The following FRMD6 variants were observed in gnomAD, a reference collection of about 807,000 sequenced individuals.
FRMD6 encodes FERM domain-containing protein 6.
FRMD6 carries 37 observed loss-of-function variants against 73.2 expected under a neutral mutation model. The ratio of observed to expected loss-of-function variants is 0.51; its 90% CI spans 0.39 to 0.66. The LOEUF (loss-of-function observed/expected upper bound fraction) is 0.66. FRMD6 is among the 30% of genes least tolerant of loss of function. The probability of loss-of-function intolerance (pLI) is 0.00; values close to 1 mark genes in which losing one functional copy is unlikely to be tolerated. For missense variants in FRMD6, 714 were observed against 780.5 expected (o/e 0.91, Z 1.02); for synonymous variants, 273 against 282.2 (o/e 0.97, Z 0.33).
chr14:51,464,811 A>G, the FRMD6 span, among the ~76,000 whole-genome samples: 1 of 152,202 alleles, frequency 6.6e-6, no homozygotes, highest in Non-Finnish European at 1.5e-5. Context: ...TGGCCCCCAG[A>G]ATGCTGCCAG....
chr14:51,712,641 A>G (rs570943779), intron 9 of FRMD6, 90 bp downstream of exon 9: 23 of 813,202 alleles, frequency 2.8e-5, no homozygotes, highest in Middle Eastern at 2.3e-4. Flanking sequence ...TTTTTAAACA[A>G]TATTGTCTCA....
At chr14:51,636,320 C>T (rs1891558047) in intron 2 of FRMD6, among the ~76,000 whole-genome samples, 1 of 152,118 alleles carries the variant, frequency 6.6e-6, no homozygotes, top group Admixed American at 6.5e-5. Flanking sequence ...GAGTCCTTCC[C>T]AGAAAAGGTT....
At chr14:51,710,702 T>C (rs970897771) in intron 7 of FRMD6, among the ~76,000 whole-genome samples, 4 of 152,188 alleles carry the variant, frequency 2.6e-5, no homozygotes, top group African/African-American at 9.7e-5. Context: ...CTCTGCATAC[T>C]CATTGTGTTT....
intron 1 of FRMD6, among the ~76,000 whole-genome samples, chr14:51,490,342 T>C (rs751490421): frequency 6.6e-6 from 1 of 152,342 alleles, no homozygotes; most frequent in Middle Eastern, 3.4e-3. Context: ...GGCTATCTGT[T>C]GTTTGCCATT....
chr14:51,714,102 A>G (rs1202708685), intron 9 of FRMD6: 1 of 152,202 alleles, frequency 6.6e-6, no homozygotes, highest in Non-Finnish European at 1.5e-5. Context: ...CTTGAAGCCA[A>G]CTCAGCTCTG....
intron 1 of FRMD6, among the ~76,000 whole-genome samples, chr14:51,517,296 T>C (rs1884687806): frequency 6.8e-6 from 1 of 146,548 alleles, no homozygotes; most frequent in Non-Finnish European, 1.5e-5. Context: ...CCTGAGGAGT[T>C]TGCTGGCAGA....
At chr14:51,580,066 C>T (rs1888627611) in intron 2 of FRMD6, among the ~76,000 whole-genome samples, 2 of 152,108 alleles carry the variant, frequency 1.3e-5, no homozygotes, top group Non-Finnish European at 2.9e-5. Context: ...GCCCTAACAG[C>T]ATCCTGATTT....
intron 1 of FRMD6, among the ~76,000 whole-genome samples, chr14:51,682,864 C>A (rs1894898333): frequency 6.6e-6 from 1 of 152,052 alleles, no homozygotes; most frequent in Admixed American, 6.6e-5. Flanking sequence ...GAGAATGAAC[C>A]CTGTTTGGCC....
chr14:51,568,845 C>G (rs1352084959), intron 1 of FRMD6, among the ~76,000 whole-genome samples: 11 of 137,416 alleles, frequency 8.0e-5, no homozygotes, highest in Non-Finnish European at 1.4e-4. Context: ...AAGGCTTTTA[C>G]TTTTTTTTTT....
chr14:51,667,731 A>T (rs1006573550), intron 1 of FRMD6, among the ~76,000 whole-genome samples: 1 of 152,232 alleles, frequency 6.6e-6, no homozygotes, highest in Non-Finnish European at 1.5e-5. Context: ...AATATTAAGG[A>T]TATTTAAGGA....
At chr14:51,652,688 G>A (rs1475023403) in intron 1 of FRMD6, among the ~76,000 whole-genome samples, 3 of 152,212 alleles carry the variant, frequency 2.0e-5, no homozygotes, top group African/African-American at 7.2e-5. Context: ...TTGGGGGTGC[G>A]GCCTGCAGAA....
chr14:51,664,458 C>T (rs1269803887), intron 1 of FRMD6, among the ~76,000 whole-genome samples: 1 of 152,210 alleles, frequency 6.6e-6, no homozygotes, highest in Non-Finnish European at 1.5e-5. Flanking sequence ...TCTTCTCTTT[C>T]TCTAAGCTTA....
chr14:51,408,177 A>G, the FRMD6 span, among the ~76,000 whole-genome samples: 1 of 151,030 alleles, frequency 6.6e-6, no homozygotes, highest in Non-Finnish European at 1.5e-5. Flanking sequence ...TTTTTTTACA[A>G]ATACAATATC....
At chr14:51,422,956 C>G in the FRMD6 span, among the ~76,000 whole-genome samples, 1 of 152,230 alleles carries the variant, frequency 6.6e-6, no homozygotes, top group Non-Finnish European at 1.5e-5. Flanking sequence ...GTATGTCACT[C>G]TGGGAGGAAG....
At chr14:51,704,371 T>C (rs548440992) in intron 5 of FRMD6, among the ~76,000 whole-genome samples, 367 of 152,262 alleles carry the variant, frequency 2.4e-3, no homozygotes, top group African/African-American at 8.3e-3. Context: ...ATGTCACGTG[T>C]GTAGCATCAT....
At chr14:51,558,114 TA>T (rs546619300) in intron 1 of FRMD6, among the ~76,000 whole-genome samples, 110 of 152,306 alleles carry the variant, frequency 7.2e-4, no homozygotes, top group African/African-American at 2.5e-3. Context: ...TTGAATTCCT[TA>T]AAAAAATGTT....
At position 51,720,592 on chromosome 14, in the gene FRMD6, C is replaced by T. The variant is rs181851890; in HGVS notation, c.1360+202C>T. ...ACATCCCTCTAGTTGTGATCCTTTGCGGCCACAAGACTGGATGGTTGTAGA... is the reference window on the plus strand; with the variant it reads ...ACATCCCTCTAGTTGTGATCCTTTGTGGCCACAAGACTGGATGGTTGTAGA... On this transcript the variant is annotated intron_variant, in intron 11 of 13. Coordinates refer to ENST00000344768, the MANE Select transcript of FRMD6 (RefSeq NM_001267046.2). 121 of 571,704 alleles carry T rather than the reference C, an allele frequency of 2.1e-4. 1 individual carries two copies. The highest frequency in any genetic ancestry group is 1.9e-3 in the African/African-American group (99 of 53,382). The allele number at this position is 571,704 out of a possible 1,614,324, so 35.4% of individuals were successfully genotyped here.
intron 2 of FRMD6, chr14:51,643,867 G>A (rs1012031824): frequency 2.0e-5 from 3 of 152,156 alleles, no homozygotes; most frequent in Admixed American, 1.3e-4. Context: ...AATGTTTTGT[G>A]AGCAAAGAAT....
At chr14:51,604,348 T>C (rs1890160398) in intron 2 of FRMD6, among the ~76,000 whole-genome samples, 2 of 152,070 alleles carry the variant, frequency 1.3e-5, no homozygotes, top group South Asian at 4.2e-4. Context: ...CGCTTTGGAG[T>C]AAGGCATTGA....
Sources: gnomAD v4.1 joint callset for allele counts (sites outside exome capture counted in the v4.1 genomes callset) on GRCh38, gnomAD v4.1.1 for gene constraint, MANE v1.5 for transcripts, NCBI Gene and HGNC (gene_info 2026-07-23, HGNC 2026-07-21) for gene names.